The following LSM4 variants were observed in gnomAD, a reference collection of about 807,000 sequenced individuals.
LSM4 encodes U6 snRNA-associated Sm-like protein LSm4.
A neutral mutation model predicts 22.3 loss-of-function variants in LSM4; 15 were observed. That is an observed-to-expected ratio of 0.67 (90% CI 0.45 to 1.03). LSM4 has a LOEUF of 1.03. Among genes scored for constraint, LSM4 ranks in the 50% least tolerant of loss-of-function variants. The pLI is 0.00. For missense variants in LSM4, 127 were observed against 198.0 expected, an observed-to-expected ratio of 0.64 and a Z score of 2.15; for synonymous variants, 90 against 79.8, an observed-to-expected ratio of 1.13 and a Z score of -0.68.
intron 2 of LSM4, 32 bp downstream of exon 2, chr19:18,315,992 A>T (rs1389969582): frequency 6.2e-7 from 1 of 1,609,098 alleles, no homozygotes; most frequent in Admixed American, 1.7e-5. Flanking sequence ...GCCCCCTCTC[A>T]AACAGGCTTT....
chr19:18,318,136 C>G (rs939206546), intron 1 of LSM4, among the ~76,000 whole-genome samples: 2 of 152,202 alleles, frequency 1.3e-5, no homozygotes, highest in African/African-American at 2.4e-5. Context: ...ACCCCAGATG[C>G]CTTTGCTGGG....
chr19:18,312,631 G>C lies in LSM4; in HGVS notation c.117C>G (p.Asn39Lys). 6.2e-7 allele frequency: 1 copy of C among 1,614,058 alleles called. No homozygotes were observed. The highest frequency in any genetic ancestry group is 2.2e-5 in the East Asian group (1 of 44,870). ...TGGACGTGCAGATGACTTCTCGCAG[G>C]TTAATGTTCATCCAGTTGTCGCAGC... ...LVSCDNWMNI[N>K]LREVICTSRD... The change falls in exon 3 of 5, where the codon AAC (asparagine) becomes AAG (lysine). Residue 39 changes from asparagine (N) to lysine (K), a missense_variant. Coordinates refer to ENST00000593829, the MANE Select transcript of LSM4 (RefSeq NM_012321.5).
At chr19:18,322,922 C>G (rs2148149619) in intron 1 of LSM4, 96 bp downstream of exon 1, 1 of 1,533,288 alleles carries the variant, frequency 6.5e-7, no homozygotes, top group Admixed American at 1.9e-5. Flanking sequence ...CTTACGTTCG[C>G]CCCGCGCCAA....
rs558647161 is a variant in LSM4, at chr19:18,311,598, C to T, written c.144+1006G>A. On this transcript the variant is annotated intron_variant, in intron 3 of 4. Coordinates refer to ENST00000593829, the MANE Select transcript of LSM4 (RefSeq NM_012321.5). ...CGGAAGTGGACAGAGCCCCGCTGGC[C>T]GCAGATGGGAGGCACGCGGTTCTGC... 9.9e-4 allele frequency among the ~76,000 whole-genome samples: 151 copies of T among 152,286 alleles called. 1 individual carries two copies. Among genetic ancestry groups the T allele is most frequent in the South Asian group, 8.3e-3 (40 of 4,830 alleles).
At position 18,307,135 on chromosome 19, in the gene LSM4, G is replaced by A; in HGVS notation, c.*329C>T. On this transcript the variant is annotated 3_prime_UTR_variant, in exon 5 of 5. Coordinates refer to ENST00000593829, the MANE Select transcript of LSM4 (RefSeq NM_012321.5). ...TGGTTGCTGCTCGGAGAGGCTCCAAGAAATGCAAAACAAACCCGCCTGGAA... is the reference window on the plus strand; with the variant it reads ...TGGTTGCTGCTCGGAGAGGCTCCAAAAAATGCAAAACAAACCCGCCTGGAA... The A allele has an allele frequency of 3.7e-6, 1 of 268,338 alleles. No homozygotes were observed. Among genetic ancestry groups the A allele is most frequent in the East Asian group, 6.5e-5 (1 of 15,404 alleles). The allele number at this position is 268,338 out of a possible 1,614,324, so 16.6% of individuals were successfully genotyped here.
At chr19:18,315,989 C>G (rs747669103) in intron 2 of LSM4, 35 bp downstream of exon 2, 6 of 1,608,570 alleles carry the variant, frequency 3.7e-6, no homozygotes, top group Non-Finnish European at 5.1e-6. Context: ...CTGGCCCCCT[C>G]TCAAACAGGC....
chr19:18,308,362 CCTCT>C (rs1385603535), intron 4 of LSM4, among the ~76,000 whole-genome samples: 1 of 152,236 alleles, frequency 6.6e-6, no homozygotes, highest in Non-Finnish European at 1.5e-5. Context: ...TTGATCCCTC[CCTCT>C]CTGTCTCCCT....
At position 18,312,553 on chromosome 19, in the gene LSM4, C is replaced by A. The variant is rs372991921; in HGVS notation, c.144+51G>T. The stretch of plus-strand genomic sequence containing the variant: ...GAGGCCCAGGGAGGGAGGGAGGAGG[C>A]TGAGTGTGCACCCCCTGCATCCCAC... On this transcript the variant is annotated intron_variant, in intron 3 of 4. Transcript: ENST00000593829. 1,145 of 1,483,492 alleles carry A rather than the reference C, an allele frequency of 7.7e-4. 8 individuals are homozygous for A. Among genetic ancestry groups the A allele is most frequent in the South Asian group, 7.5e-3 (662 of 87,944 alleles). The allele number at this position is 1,483,492 out of a possible 1,614,324, so 91.9% of individuals were successfully genotyped here. A position where few individuals can be genotyped will look rare whatever the true frequency, so the allele number is the denominator to read the frequency against.
chr19:18,312,295 G>A (rs1455094695), intron 3 of LSM4: 16 of 322,080 alleles, frequency 5.0e-5, no homozygotes, highest in African/African-American at 1.9e-4. Context: ...CGGGAGTCTT[G>A]GGCCTCCCCT....
chr19:18,307,709 C>T (rs1347235682), intron 4 of LSM4, among the ~76,000 whole-genome samples, 154 bp from the exon 5 acceptor site: 4 of 152,070 alleles, frequency 2.6e-5, no homozygotes, highest in Non-Finnish European at 5.9e-5. Context: ...GGATCTCCTC[C>T]GTGGGGCAGA....
At chr19:18,309,983 A>G (rs1478304725) in intron 3 of LSM4, 122 bp from the exon 4 acceptor site, 4 of 908,372 alleles carry the variant, frequency 4.4e-6, no homozygotes, top group Non-Finnish European at 6.7e-6. Flanking sequence ...CAAGCTGCAC[A>G]GTATCAGTCC....
chr19:18,312,525 C>T lies in LSM4; in HGVS notation c.144+79G>A, dbSNP rs568459246. On this transcript the variant is annotated intron_variant, in intron 3 of 4. Transcript: ENST00000593829. ...GGCGGCCTCCCCCACTGACTCCTCC[C>T]ATGAGGCCCAGGGAGGGAGGGAGGA... The T allele has an allele frequency of 1.8e-5, 22 of 1,253,110 alleles. No homozygotes were observed. The East Asian group carries it at 4.9e-4, about 28-fold the overall frequency. The allele number at this position is 1,253,110 out of a possible 1,614,324, so 77.6% of individuals were successfully genotyped here.
At chr19:18,308,198 A>G (rs1970254697) in intron 4 of LSM4, among the ~76,000 whole-genome samples, 1 of 152,100 alleles carries the variant, frequency 6.6e-6, no homozygotes, top group African/African-American at 2.4e-5. Context: ...CCAGGGACTG[A>G]GTGGACGCTA....
At chr19:18,313,817 A>C (rs2148140988) in intron 2 of LSM4, among the ~76,000 whole-genome samples, 1 of 152,126 alleles carries the variant, frequency 6.6e-6, no homozygotes, top group Middle Eastern at 3.4e-3. Flanking sequence ...CACTCAGTCC[A>C]AGCCTGAGAT....
intron 4 of LSM4, among the ~76,000 whole-genome samples, chr19:18,308,341 G>A (rs375181822): frequency 8.5e-5 from 13 of 152,158 alleles, no homozygotes; most frequent in Non-Finnish European, 7.4e-5. Context: ...TGGTCAGGCC[G>A]GGACCCAACA....
At chr19:18,322,938 C>A (rs1970441349) in intron 1 of LSM4, 80 bp downstream of exon 1, 2 of 1,562,866 alleles carry the variant, frequency 1.3e-6, no homozygotes, top group Non-Finnish European at 1.7e-6. Flanking sequence ...GCCAACCAAG[C>A]CCACAGCGCC....
chr19:18,311,685 G>GC lies in LSM4; in HGVS notation c.144+918dup, dbSNP rs1970300332. Reference sequence around the variant, plus strand: ...CCCAGACGCCCTCCGACAGGCTATGGCACGAAACCCAGCAAGCAGTTTCTA... The same window carrying GC: ...CCCAGACGCCCTCCGACAGGCTATGGCCACGAAACCCAGCAAGCAGTTTCTA... On this transcript the variant is annotated intron_variant, in intron 3 of 4. Transcript: ENST00000593829. Among the ~76,000 whole-genome samples, 7 of 152,264 alleles carry GC rather than the reference G, an allele frequency of 4.6e-5. No individual in the cohort carries two copies. In the South Asian group the frequency reaches 1.5e-3, roughly 32 times the overall value.
chr19:18,312,661 C>G lies in LSM4; in HGVS notation c.87G>C (p.Leu29=). The change falls in exon 3 of 5, where the codon CTG becomes CTC. Residue 29 remains leucine (L), a synonymous_variant. Transcript: ENST00000593829. ...TGTTCATCCAGTTGTCGCAGCTCAC[C>G]AGGTGTCCATTGTACGTCTCCCCAT... is the stretch of plus-strand genomic sequence containing the variant. ...LKNGETYNGH[L]VSCDNWMNIN... The G allele has an allele frequency of 6.2e-7, 1 of 1,614,028 alleles. No individual in the cohort carries two copies. The highest frequency in any genetic ancestry group is 8.5e-7 in the Non-Finnish European group (1 of 1,179,936).
At chr19:18,310,082 G>A (rs1970282425) in intron 3 of LSM4, 1 of 555,648 alleles carries the variant, frequency 1.8e-6, no homozygotes. Flanking sequence ...GGTGGGTGTG[G>A]TAGGCGCAGC....
Sources: allele counts gnomAD v4.1 joint callset (sites outside exome capture counted in the v4.1 genomes callset), GRCh38; gene constraint gnomAD v4.1.1; transcripts MANE v1.5; gene names NCBI Gene and HGNC (gene_info 2026-07-23, HGNC 2026-07-21).